The following PDLIM5 variants were observed in gnomAD, a reference collection of about 807,000 sequenced individuals.
PDLIM5 encodes PDZ and LIM domain protein 5.
In PDLIM5, 34 loss-of-function variants were observed where a neutral mutation model predicts 64.2. That is an observed-to-expected ratio of 0.53 (90% CI 0.40 to 0.71). The LOEUF is 0.71. Ranked by LOEUF, PDLIM5 falls within the 30% of genes least tolerant of loss-of-function variation. The pLI is 0.00. For synonymous variants in PDLIM5, 253 were observed against 269.1 expected, an observed-to-expected ratio of 0.94 and a Z score of 0.59; for missense variants, 683 against 733.6, an observed-to-expected ratio of 0.93 and a Z score of 0.80.
chr4:94,626,342 ATTAAAAT>A (rs869308639), intron 8 of PDLIM5, among the ~76,000 whole-genome samples: 46 of 152,342 alleles, frequency 3.0e-4, no homozygotes, highest in Admixed American at 1.4e-3. Flanking sequence ...AGGTAATGTC[ATTAAAAT>A]TTAAAATTTA....
intron 2 of PDLIM5, among the ~76,000 whole-genome samples, chr4:94,501,564 G>T (rs1727923338): frequency 1.3e-5 from 2 of 152,126 alleles, no homozygotes; most frequent in South Asian, 4.1e-4. Flanking sequence ...CTAATAATAA[G>T]AATTTGGGGC....
chr4:94,553,440 T>A (rs1231250785), intron 3 of PDLIM5, among the ~76,000 whole-genome samples: 2 of 152,332 alleles, frequency 1.3e-5, no homozygotes, highest in Admixed American at 6.5e-5. Flanking sequence ...AGCGTCTGAC[T>A]TCCTTTTGCG....
chr4:94,514,244 C>G (rs1310981313), intron 2 of PDLIM5, among the ~76,000 whole-genome samples: 6 of 150,926 alleles, frequency 4.0e-5, no homozygotes, highest in Non-Finnish European at 5.9e-5. Flanking sequence ...ATGCCATTCT[C>G]CTCTCTCAGC....
intron 9 of PDLIM5, among the ~76,000 whole-genome samples, chr4:94,650,925 C>T (rs886162411): frequency 1.3e-5 from 2 of 152,122 alleles, no homozygotes; most frequent in Non-Finnish European, 2.9e-5. Flanking sequence ...CCTCCTCTCC[C>T]TCCATTTGTC....
intron 7 of PDLIM5, among the ~76,000 whole-genome samples, chr4:94,610,876 T>C (rs1375308957): frequency 6.6e-6 from 1 of 152,194 alleles, no homozygotes; most frequent in East Asian, 1.9e-4. Context: ...AGTAAAGGGA[T>C]AGAATAAACT....
At chr4:94,576,171 A>C (rs529436592) in intron 5 of PDLIM5, 137 bp downstream of exon 5, 1 of 685,310 alleles carries the variant, frequency 1.5e-6, no homozygotes, top group African/African-American at 1.8e-5. Flanking sequence ...CCTCATTAAC[A>C]TATGGCCTTT....
intron 3 of PDLIM5, among the ~76,000 whole-genome samples, chr4:94,540,279 G>T (rs967065721): frequency 2.6e-5 from 4 of 151,796 alleles, no homozygotes; most frequent in Non-Finnish European, 5.9e-5. Flanking sequence ...CACCATGCCC[G>T]GCTAATTTTT....
intron 8 of PDLIM5, among the ~76,000 whole-genome samples, chr4:94,632,084 A>G (rs1177434453): frequency 2.0e-5 from 3 of 152,254 alleles, no homozygotes; most frequent in Non-Finnish European, 1.5e-5. Context: ...GGCTCTTAGC[A>G]TAAACTTGTG....
At chr4:94,619,888 A>G (rs77911205) in intron 8 of PDLIM5, among the ~76,000 whole-genome samples, 9,691 of 152,084 alleles carry the variant, frequency 0.064, 1,049 homozygotes, top group African/African-American at 0.22. Flanking sequence ...TTCCCAAAGC[A>G]TTGGGATTAC....
rs2201091 is a variant in PDLIM5 at position 94,567,140 on chromosome 4, C to G, written c.249-6211C>G. 9.2e-5 allele frequency among the ~76,000 whole-genome samples: 14 copies of G among 152,252 alleles called. No individual in the cohort carries two copies. The South Asian group carries it at 2.9e-3, about 32-fold the overall frequency. ...CCCGAGTAGCTGGGACTACAGGCGC[C>G]CGCCACCACACCTGGCTAATTTTTT... On this transcript the variant is annotated intron_variant, in intron 3 of 12. Transcript: ENST00000317968.
intron 3 of PDLIM5, among the ~76,000 whole-genome samples, chr4:94,529,673 G>C (rs1267523930): frequency 6.6e-6 from 1 of 152,086 alleles, no homozygotes; most frequent in Non-Finnish European, 1.5e-5. Context: ...AATAAGACTT[G>C]ACTCAGTATA....
chr4:94,630,100 A>G (rs931634906), intron 8 of PDLIM5, among the ~76,000 whole-genome samples: 2 of 152,180 alleles, frequency 1.3e-5, no homozygotes, highest in Admixed American at 1.3e-4. Flanking sequence ...CTGCTACCCA[A>G]TTTAGTATGT....
chr4:94,587,283 CAAAAAA>C (rs5860368), intron 7 of PDLIM5: 1 of 1,083,838 alleles, frequency 9.2e-7, no homozygotes, highest in African/African-American at 1.8e-5. Context: ...AATGTAAAAC[CAAAAAA>C]AAAAAAAAAT....
rs753908326 is a variant in PDLIM5 at position 94,657,485 on chromosome 4, G to A, written c.1523G>A (p.Cys508Tyr). Residue 508 changes from cysteine to tyrosine, a missense_variant, in exon 11 of 13, where the codon TGT becomes TAT. Coordinates refer to ENST00000317968, the MANE Select transcript of PDLIM5 (RefSeq NM_006457.5). The stretch of plus-strand genomic sequence containing the variant: ...GTTTCCTGTTTTGTGTGTGTAGCCT[G>A]TGGAAAGCCCATTCGGAACAATGTT... ...WHVSCFVCVA[C>Y]GKPIRNNVFH... 1.2e-6 allele frequency: 2 copies of A among 1,608,436 alleles called. No homozygotes were observed. Among genetic ancestry groups the A allele is most frequent in the African/African-American group, 1.3e-5 (1 of 74,820 alleles).
At chr4:94,461,271 C>T (rs1723855618) in intron 2 of PDLIM5, among the ~76,000 whole-genome samples, 1 of 152,050 alleles carries the variant, frequency 6.6e-6, no homozygotes, top group African/African-American at 2.4e-5. Flanking sequence ...GAGTACGTGA[C>T]ATAAAATTTG....
chr4:94,543,778 CTGTGTGTGTGTGTGTGTG>C (rs60929032), intron 3 of PDLIM5, among the ~76,000 whole-genome samples: 2,716 of 132,124 alleles, frequency 0.021, 50 homozygotes, highest in Non-Finnish European at 0.025. Flanking sequence ...TAGTATTCCA[CTGTGTGTGTGTGTGTGTG>C]TGTGTGTGTG....
At chr4:94,651,278 G>A (rs141240111) in intron 9 of PDLIM5, among the ~76,000 whole-genome samples, 1 of 152,284 alleles carries the variant, frequency 6.6e-6, no homozygotes, top group Non-Finnish European at 1.5e-5. Flanking sequence ...GAGCATGCTT[G>A]TTTAAGAAAG....
intron 2 of PDLIM5, among the ~76,000 whole-genome samples, chr4:94,490,667 T>G (rs1726790372): frequency 2.6e-5 from 4 of 152,176 alleles, no homozygotes; most frequent in Non-Finnish European, 5.9e-5. Flanking sequence ...AAATGTTAAA[T>G]GATAGCAGAA....
chr4:94,584,889 C>A (rs968574345), intron 5 of PDLIM5: 16 of 783,680 alleles, frequency 2.0e-5, no homozygotes, highest in Non-Finnish European at 3.4e-5. Flanking sequence ...TATGGACTTT[C>A]ATTTTCTAGT....
Sources: gnomAD v4.1 joint callset for allele counts (sites outside exome capture counted in the v4.1 genomes callset) on GRCh38, gnomAD v4.1.1 for gene constraint, MANE v1.5 for transcripts, NCBI Gene and HGNC (gene_info 2026-07-23, HGNC 2026-07-21) for gene names.